GRK7: variants seen among roughly 807,000 people sequenced by gnomAD.
GRK7 encodes the protein rhodopsin kinase GRK7.
A neutral mutation model predicts 34.1 loss-of-function variants in GRK7; 24 were observed. The observed-to-expected ratio is 0.70, with a 90% confidence interval of 0.51 to 0.99. GRK7 has a LOEUF of 0.99. Among genes scored for constraint, GRK7 ranks in the 50% least tolerant of loss-of-function variants. The probability of loss-of-function intolerance (pLI) is 0.00; values close to 1 mark genes in which losing one functional copy is unlikely to be tolerated. For synonymous variants in GRK7, 256 were observed against 279.4 expected (o/e 0.92, Z 0.84); for missense variants, 644 against 707.3 (o/e 0.91, Z 1.02).
chr3:141,785,453 T>C (rs759709444), intron 4 of GRK7, among the ~76,000 whole-genome samples: 5 of 152,104 alleles, frequency 3.3e-5, no homozygotes, highest in African/African-American at 4.8e-5. Flanking sequence ...GAACCCCATC[T>C]CTTAAAAAAA....
At chr3:141,755,829 C>T in the GRK7 span, among the ~76,000 whole-genome samples, 1 of 152,072 alleles carries the variant, frequency 6.6e-6, no homozygotes, top group African/African-American at 2.4e-5. Context: ...ACCCTATCAT[C>T]TAAGGTATTT....
chr3:141,802,366 T>TCTCACACA (rs1553737502), intron 4 of GRK7, among the ~76,000 whole-genome samples: 8 of 145,574 alleles, frequency 5.5e-5, no homozygotes, highest in Non-Finnish European at 7.5e-5. Context: ...TCTTTCTCTG[T>TCTCACACA]CACACACACA....
At chr3:141,788,161 G>C (rs539149321) in intron 4 of GRK7, among the ~76,000 whole-genome samples, 68 of 152,294 alleles carry the variant, frequency 4.5e-4, no homozygotes, top group African/African-American at 1.4e-3. Flanking sequence ...TGCCTCCCTG[G>C]GGGGGCACAG....
At chr3:141,771,606 T>A (rs2084617319) in intron 1 of GRK7, among the ~76,000 whole-genome samples, 1 of 152,194 alleles carries the variant, frequency 6.6e-6, no homozygotes, top group Admixed American at 6.5e-5. Flanking sequence ...TGTACATTAT[T>A]CAAGTGATGG....
chr3:141,789,925 A>C (rs933776016), intron 4 of GRK7, among the ~76,000 whole-genome samples: 4 of 152,178 alleles, frequency 2.6e-5, no homozygotes, highest in Admixed American at 6.5e-5. Flanking sequence ...GATTCCAGGC[A>C]CATCAGATTT....
chr3:141,817,261 G>A lies in GRK7; in HGVS notation c.*211G>A. 2.1e-6 allele frequency: 1 copy of A among 472,320 alleles called. No homozygotes were observed. Among genetic ancestry groups the A allele is most frequent in the Middle Eastern group, 5.5e-4 (1 of 1,810 alleles). The allele number at this position is 472,320 out of a possible 1,614,324, so 29.3% of individuals were successfully genotyped here. A position where few individuals can be genotyped will look rare whatever the true frequency, so the allele number is the denominator to read the frequency against. ...GATGAGTAAAGTCTCAGTTTTCACT[G>A]AGGGCAGGGAAAAGGAACACTCAGG... is the stretch of plus-strand genomic sequence containing the variant. On this transcript the variant is annotated 3_prime_UTR_variant, in exon 6 of 6. Coordinates refer to ENST00000682958, the MANE Select transcript of GRK7 (RefSeq NM_139209.3).
At chr3:141,797,965 C>A (rs1710913091) in intron 4 of GRK7, among the ~76,000 whole-genome samples, 1 of 152,204 alleles carries the variant, frequency 6.6e-6, no homozygotes, top group South Asian at 2.1e-4. Flanking sequence ...CCAGAAGCCC[C>A]TCCATGTTCT....
chr3:141,775,247 A>T (rs746970731), intron 2 of GRK7, among the ~76,000 whole-genome samples: 2 of 152,114 alleles, frequency 1.3e-5, no homozygotes, highest in Admixed American at 6.6e-5. Context: ...TAAAAATATG[A>T]AGATTAGCTG....
chr3:141,756,008 TAAAA>T, the GRK7 span, among the ~76,000 whole-genome samples: 83 of 137,558 alleles, frequency 6.0e-4, no homozygotes, highest in African/African-American at 5.5e-4. Context: ...CTCAGCAGTT[TAAAA>T]AAAAAAAAAA....
At chr3:141,792,898 C>G (rs1028693616) in intron 4 of GRK7, among the ~76,000 whole-genome samples, 1 of 152,058 alleles carries the variant, frequency 6.6e-6, no homozygotes, top group Non-Finnish European at 1.5e-5. Context: ...ATCAATCATG[C>G]CTGTGTAATG....
chr3:141,778,940 C>A lies in GRK7; in HGVS notation c.612+44C>A. ...CCAGGCTAGAAGGTGAAGCATAGAG[C>A]ATGAAAGGGGGTAATGTTGCCTTTC... On this transcript the variant is annotated intron_variant, in intron 3 of 5. Transcript: ENST00000682958. The surrounding 1 kb of genome is among the most constrained non-coding windows in gnomAD (Gnocchi z 4.1). 1.3e-6 allele frequency: 2 copies of A among 1,533,336 alleles called. No homozygotes were observed. The highest frequency in any genetic ancestry group is 1.8e-6 in the Non-Finnish European group (2 of 1,139,398). The allele number at this position is 1,533,336 out of a possible 1,614,324, so 95.0% of individuals were successfully genotyped here.
At position 141,817,965 on chromosome 3, in the gene GRK7, A is replaced by G. The variant is rs1197801557; in HGVS notation, c.*915A>G. 1 of 152,024 alleles carries G rather than the reference A, an allele frequency of 6.6e-6. No homozygotes were observed. The allele number at this position is 152,024 out of a possible 1,614,324, so 9.4% of individuals were successfully genotyped here. On this transcript the variant is annotated 3_prime_UTR_variant, in exon 6 of 6. Transcript: ENST00000682958. ...TGCACATTTGAATGTTATTACATTC[A>G]ATCTTATTTTGGTTGCTCAAAACTT...
At chr3:141,795,938 T>C (rs569711543) in intron 4 of GRK7, among the ~76,000 whole-genome samples, 1 of 152,130 alleles carries the variant, frequency 6.6e-6, no homozygotes, top group South Asian at 2.1e-4. Flanking sequence ...GTCTGCAGGA[T>C]GCGGCAGGAG....
chr3:141,808,067 A>G (rs1268205569), intron 5 of GRK7, 148 bp downstream of exon 5: 1 of 696,884 alleles, frequency 1.4e-6, no homozygotes, highest in Non-Finnish European at 2.2e-6. Context: ...AACATTTCTA[A>G]TACTTTCAAA....
chr3:141,810,982 C>A (rs1302166109), intron 5 of GRK7, among the ~76,000 whole-genome samples: 1 of 152,104 alleles, frequency 6.6e-6, no homozygotes, highest in Non-Finnish European at 1.5e-5. Context: ...CTGAAGGGAA[C>A]AACACCCACT....
At chr3:141,815,687 T>C (rs1010345677) in intron 5 of GRK7, among the ~76,000 whole-genome samples, 2 of 139,138 alleles carry the variant, frequency 1.4e-5, no homozygotes, top group African/African-American at 2.7e-5. Flanking sequence ...AAACTATGGC[T>C]TCTATTTTGA....
At chr3:141,770,045 G>T (rs1252724131) in intron 1 of GRK7, among the ~76,000 whole-genome samples, 1 of 152,118 alleles carries the variant, frequency 6.6e-6, no homozygotes, top group Non-Finnish European at 1.5e-5. Context: ...CTCCCAAGTA[G>T]CTGGGATTAC....
rs144787025 is a variant in GRK7, at chr3:141,799,148, G to C, written c.1051-8497G>C. Among the ~76,000 whole-genome samples the C allele has an allele frequency of 5.6e-3, 858 of 152,268 alleles. 7 individuals carry two copies. The highest frequency in any genetic ancestry group is 0.01 in the Middle Eastern group (3 of 294). Reference sequence around the variant, plus strand: ...GGAGAATTCACTGGGATAAGGGGAAGGGAAACATCTTTAGCAAGAATGCTA... The same window carrying C: ...GGAGAATTCACTGGGATAAGGGGAACGGAAACATCTTTAGCAAGAATGCTA... On this transcript the variant is annotated intron_variant, in intron 4 of 5. Coordinates refer to ENST00000682958, the MANE Select transcript of GRK7 (RefSeq NM_139209.3).
chr3:141,771,824 A>G (rs185659865), intron 1 of GRK7, among the ~76,000 whole-genome samples: 85 of 152,118 alleles, frequency 5.6e-4, no homozygotes, highest in Admixed American at 1.1e-3. Context: ...AGCTGGGATT[A>G]CAGGCACCCA....
Sources: gnomAD v4.1 joint callset for allele counts (sites outside exome capture counted in the v4.1 genomes callset) on GRCh38, gnomAD v4.1.1 for gene constraint, Gnocchi (gnomAD v3.1) non-coding constraint, MANE v1.5 for transcripts, NCBI Gene and HGNC (gene_info 2026-07-23, HGNC 2026-07-21) for gene names.